Variants in CLVS1 observed in about 807,000 individuals in gnomAD.
CLVS1 encodes clavesin 1, also known as clavesin-1.
Under a neutral mutation model 33.1 loss-of-function variants are expected in CLVS1, and 10 were observed. The observed-to-expected ratio is 0.30, with a 90% CI of 0.19 to 0.51. The LOEUF is 0.51. CLVS1 is among the 20% of genes least tolerant of loss of function. The pLI, the probability that CLVS1 is intolerant of heterozygous loss-of-function variation, is 0.97. For synonymous variants in CLVS1, 163 were observed against 166.1 expected (o/e 0.98, Z 0.14); for missense variants, 343 against 433.4 (o/e 0.79, Z 1.85).
At chr8:61,443,067 T>C (rs980990956) in intron 3 of CLVS1, among the ~76,000 whole-genome samples, 5 of 152,252 alleles carry the variant, frequency 3.3e-5, no homozygotes, top group East Asian at 1.9e-4. Flanking sequence ...TTTTTGCTCA[T>C]ATTCTCATTG....
intron 2 of CLVS1, among the ~76,000 whole-genome samples, chr8:61,181,768 C>G (rs993971891): frequency 2.9e-5 from 4 of 139,226 alleles, no homozygotes; most frequent in Non-Finnish European, 6.1e-5. Context: ...GGCGTGATCT[C>G]TGCTCACTGC....
intron 2 of CLVS1, among the ~76,000 whole-genome samples, chr8:61,340,060 A>G (rs1019606143): frequency 1.3e-5 from 2 of 151,138 alleles, no homozygotes; most frequent in African/African-American, 4.9e-5. Flanking sequence ...GAAAAAAGAA[A>G]AAGAAAGAAA....
chr8:61,484,302 GACAA>G (rs1339499910), intron 5 of CLVS1, among the ~76,000 whole-genome samples: 1 of 152,060 alleles, frequency 6.6e-6, no homozygotes, highest in Non-Finnish European at 1.5e-5. Flanking sequence ...ACCAATAACA[GACAA>G]ACAGAGAGCC....
At chr8:61,477,192 G>A (rs187490638) in intron 5 of CLVS1, among the ~76,000 whole-genome samples, 106 of 152,238 alleles carry the variant, frequency 7.0e-4, no homozygotes, top group Non-Finnish European at 1.2e-3. Context: ...TGCTGGATTC[G>A]GTTTTCCAGT....
rs192769308 is a variant in CLVS1, at chr8:61,184,970, G to A, written c.-152+53110G>A. 1.6e-4 allele frequency among the ~76,000 whole-genome samples: 25 copies of A among 151,946 alleles called. No homozygotes were observed. The South Asian group carries it at 3.3e-3, about 20-fold the overall frequency. ...AGAAAATACTACCTACAATATTTTC[G>A]TGAATATATGTGTGTATATTTATGT... On this transcript the variant is annotated intron_variant, in intron 2 of 2. Transcript: ENST00000522621.
intron 2 of CLVS1, among the ~76,000 whole-genome samples, chr8:61,333,310 G>T (rs1044921252): frequency 3.9e-5 from 6 of 152,100 alleles, no homozygotes; most frequent in Admixed American, 6.5e-5. Context: ...ACTCCTTTAC[G>T]TATCAAAGCT....
intron 3 of CLVS1, among the ~76,000 whole-genome samples, chr8:61,426,673 T>C (rs1426276155): frequency 3.9e-5 from 6 of 152,164 alleles, no homozygotes; most frequent in Admixed American, 6.5e-5. Context: ...ATTTGCCTGG[T>C]GTTTGAGGAC....
chr8:61,394,924 A>T (rs1310518589), intron 3 of CLVS1, among the ~76,000 whole-genome samples: 2 of 152,208 alleles, frequency 1.3e-5, no homozygotes, highest in African/African-American at 4.8e-5. Context: ...GCATTTTCCT[A>T]ATGAATAGAG....
At chr8:61,047,439 C>T in the CLVS1 span, among the ~76,000 whole-genome samples, 3 of 152,220 alleles carry the variant, frequency 2.0e-5, no homozygotes, top group African/African-American at 7.2e-5. Context: ...CCATTTGACC[C>T]AGCCATCCCA....
At chr8:61,120,106 G>T (rs1300765631) in intron 1 of CLVS1, among the ~76,000 whole-genome samples, 2 of 147,236 alleles carry the variant, frequency 1.4e-5, no homozygotes, top group Non-Finnish European at 3.0e-5. Context: ...TTCCCTTCTC[G>T]CTTCATTTCA....
At chr8:61,393,939 T>C (rs1814409547) in intron 3 of CLVS1, among the ~76,000 whole-genome samples, 1 of 152,242 alleles carries the variant, frequency 6.6e-6, no homozygotes, top group Non-Finnish European at 1.5e-5. Flanking sequence ...GCCAGGATGT[T>C]GCAGGCAATG....
At position 61,213,840 on chromosome 8, in the gene CLVS1, C is replaced by T. The variant is rs866915120; in HGVS notation, c.-152+81980C>T. ...AGAGATAACCTTAAACTCTGACCAC[C>T]GGTGAGCCGGGTGGAACAGAGCCAT... On this transcript the variant is annotated intron_variant, in intron 2 of 2. Transcript: ENST00000522621. Among the ~76,000 whole-genome samples the T allele has an allele frequency of 5.3e-5, 8 of 152,284 alleles. 1 individual carries two copies. The highest frequency in any genetic ancestry group is 4.1e-4 in the South Asian group (2 of 4,822).
chr8:61,357,517 T>TTTTTTTTTTTTTTTTTTTTTTTTTTTTTC, intron 2 of CLVS1, among the ~76,000 whole-genome samples: 1 of 125,012 alleles, frequency 8.0e-6, no homozygotes, highest in Non-Finnish European at 1.7e-5. Flanking sequence ...TTTTTTTTTT[T>TTTTTTTTTTTTTTTTTTTTTTTTTTTTTC]TTTTTGAGAT....
chr8:61,286,601 A>G (rs962250937), upstream of CLVS1, among the ~76,000 whole-genome samples: 2 of 152,234 alleles, frequency 1.3e-5, no homozygotes, highest in Non-Finnish European at 2.9e-5. Context: ...AAACACACAA[A>G]TTATCTGCCA....
intron 1 of CLVS1, among the ~76,000 whole-genome samples, chr8:61,067,450 G>T (rs984266595): frequency 2.0e-5 from 3 of 148,176 alleles, no homozygotes; most frequent in African/African-American, 4.9e-5. Flanking sequence ...TATATTATTA[G>T]TTGATATATT....
Position 61,176,006 on chromosome 8 carries a change from A to G in CLVS1, c.-152+44146A>G, listed in dbSNP as rs73682197. On this transcript the variant is annotated intron_variant, in intron 2 of 2. Coordinates refer to the CLVS1 transcript ENST00000522621. ...TGACTTGCCAACTTTCTCCAGACCA[A>G]ACACACTCTAGATGGAGAGACATAT... Among the ~76,000 whole-genome samples, 860 of 152,248 alleles carry G rather than the reference A, an allele frequency of 5.6e-3. 10 individuals carry two copies. Among genetic ancestry groups the G allele is most frequent in the African/African-American group, 0.019 (794 of 41,550 alleles).
chr8:61,422,309 T>G (rs1382033765), intron 3 of CLVS1, among the ~76,000 whole-genome samples: 1 of 152,212 alleles, frequency 6.6e-6, no homozygotes, highest in Non-Finnish European at 1.5e-5. Flanking sequence ...AGTGACTATT[T>G]ACCAAGTCCT....
chr8:61,133,628 G>T (rs149941323), intron 2 of CLVS1, among the ~76,000 whole-genome samples: 5 of 152,276 alleles, frequency 3.3e-5, no homozygotes, highest in African/African-American at 1.2e-4. Context: ...GGCAGTCATA[G>T]CTGTGTATCT....
chr8:61,498,690 T>TATA (rs1804367537), intron 5 of CLVS1, among the ~76,000 whole-genome samples: 1 of 152,254 alleles, frequency 6.6e-6, no homozygotes, highest in Non-Finnish European at 1.5e-5. Flanking sequence ...AAGTTTTAAC[T>TATA]ATAATTCCAT....
Sources: gnomAD v4.1 joint callset for allele counts (sites outside exome capture counted in the v4.1 genomes callset) on GRCh38, gnomAD v4.1.1 for gene constraint, MANE v1.5 for transcripts, NCBI Gene and HGNC (gene_info 2026-07-23, HGNC 2026-07-21) for gene names.